Variants in TFDP2 observed in about 807,000 individuals in gnomAD.
TFDP2 encodes transcription factor Dp-2.
Under a neutral mutation model 59.3 loss-of-function variants are expected in TFDP2, and 17 were observed. The ratio of observed to expected loss-of-function variants is 0.29; its 90% CI spans 0.20 to 0.43. The LOEUF (loss-of-function observed/expected upper bound fraction) is 0.43. Ranked by LOEUF, TFDP2 falls within the 20% of genes least tolerant of loss-of-function variation. TFDP2 has a pLI of 1.00. For missense variants in TFDP2, 391 were observed against 528.8 expected (o/e 0.74, Z 2.56); for synonymous variants, 180 against 194.7 (o/e 0.92, Z 0.63).
chr3:141,967,298 T>G (rs1321826586), intron 9 of TFDP2, among the ~76,000 whole-genome samples: 2 of 149,886 alleles, frequency 1.3e-5, no homozygotes, highest in Non-Finnish European at 3.0e-5. Context: ...GTTTTTTGTT[T>G]TTTTTTTTTT....
At chr3:142,078,977 C>T (rs1043506313) in intron 3 of TFDP2, among the ~76,000 whole-genome samples, 7 of 151,972 alleles carry the variant, frequency 4.6e-5, no homozygotes, top group African/African-American at 1.7e-4. Context: ...AAGGATCAAA[C>T]AGAAATTCTA....
rs138906836 is a variant in TFDP2 at position 142,028,223 on chromosome 3, G to GT, written c.83-22680dup. ...TTAACTACTGGGGAAAAAAATGAAA[G>GT]TAAAAACTATCCTTTGAATTGCTTT... On this transcript the variant is annotated intron_variant, in intron 3 of 12. Transcript: ENST00000489671. 2.9e-3 allele frequency among the ~76,000 whole-genome samples: 446 copies of GT among 152,266 alleles called. 7 individuals carry two copies. Among genetic ancestry groups the GT allele is most frequent in the African/African-American group, 0.01 (425 of 41,566 alleles).
intron 3 of TFDP2, among the ~76,000 whole-genome samples, chr3:142,067,669 T>C (rs1430672090): frequency 6.6e-6 from 1 of 151,998 alleles, no homozygotes; most frequent in African/African-American, 2.4e-5. Flanking sequence ...GCCAACACAA[T>C]AGTAAAGAAA....
In TFDP2 at chr3:141,963,930, G is replaced by T. The variant is rs764151172; in HGVS notation, c.766C>A (p.Arg256=). The stretch of plus-strand genomic sequence containing the variant: ...CCCTGGTTTTGCTGCTCATTTTGTC[G>T]ATTTCTCTGTACCAGGTTTTTGAAA... ...IAFKNLVQRN[R]QNEQQNQGPP... The change falls in exon 10 of 13, where the codon CGA becomes AGA. Residue 256 remains arginine (R), a synonymous_variant. Coordinates refer to ENST00000489671, the MANE Select transcript of TFDP2 (RefSeq NM_001178139.2). The T allele has an allele frequency of 1.2e-6, 2 of 1,613,482 alleles. No homozygotes were observed. The highest frequency in any genetic ancestry group is 1.7e-6 in the Non-Finnish European group (2 of 1,179,926).
At chr3:142,086,666 T>C (rs2060819655) in intron 3 of TFDP2, among the ~76,000 whole-genome samples, 1 of 152,084 alleles carries the variant, frequency 6.6e-6, no homozygotes, top group South Asian at 2.1e-4. Flanking sequence ...CACATGGGTG[T>C]CTACACCAAC....
At chr3:142,124,304 T>C (rs1352399865) in intron 1 of TFDP2, among the ~76,000 whole-genome samples, 5 of 152,176 alleles carry the variant, frequency 3.3e-5, no homozygotes, top group African/African-American at 7.2e-5. Context: ...CACAGAAGGA[T>C]TGACCTCATC....
At chr3:141,953,901 T>C (rs1936236159) in intron 11 of TFDP2, among the ~76,000 whole-genome samples, 1 of 151,592 alleles carries the variant, frequency 6.6e-6, no homozygotes, top group African/African-American at 2.4e-5. Context: ...CTGAGCACGG[T>C]GGCTCACGCC....
chr3:142,132,128 T>C (rs1330387456), intron 1 of TFDP2, among the ~76,000 whole-genome samples: 3 of 149,898 alleles, frequency 2.0e-5, no homozygotes, highest in South Asian at 2.1e-4. Flanking sequence ...ATATGGCATA[T>C]ATGAAACATT....
rs141178737 is a variant in TFDP2, at chr3:142,042,886, T to A, written c.83-37342A>T. ...TCCCAAGTGGCTCGGATTACAAGCA[T>A]GGGCCACCATGCCCGACTAATTTTT... On this transcript the variant is annotated intron_variant, in intron 3 of 12. Coordinates refer to ENST00000489671, the MANE Select transcript of TFDP2 (RefSeq NM_001178139.2). 2.1e-3 allele frequency among the ~76,000 whole-genome samples: 304 copies of A among 144,704 alleles called. 3 individuals are homozygous for A. Among genetic ancestry groups the A allele is most frequent in the African/African-American group, 7.4e-3 (290 of 39,122 alleles). 94.9% of individuals were successfully genotyped at this position (144,704 alleles called of 152,430 possible). A position where few individuals can be genotyped will look rare whatever the true frequency, so the allele number is the denominator to read the frequency against.
intron 6 of TFDP2, among the ~76,000 whole-genome samples, chr3:141,986,218 C>T (rs1271306094): frequency 6.6e-6 from 1 of 152,200 alleles, no homozygotes; most frequent in Non-Finnish European, 1.5e-5. Flanking sequence ...TGACTTACAG[C>T]CTACAAGTTG....
chr3:142,050,960 G>A (rs1051382059), intron 3 of TFDP2, among the ~76,000 whole-genome samples: 9 of 152,192 alleles, frequency 5.9e-5, no homozygotes, highest in Non-Finnish European at 1.3e-4. Context: ...ATTTTTTGTA[G>A]AAATGTATAA....
chr3:142,050,433 C>T (rs1433665990), intron 3 of TFDP2, among the ~76,000 whole-genome samples: 11 of 152,224 alleles, frequency 7.2e-5, no homozygotes, highest in East Asian at 1.9e-4. Flanking sequence ...CGGTGGCTCA[C>T]GCCTGTAATC....
chr3:142,058,151 T>C (rs2059801135), intron 3 of TFDP2, among the ~76,000 whole-genome samples: 1 of 152,184 alleles, frequency 6.6e-6, no homozygotes, highest in Non-Finnish European at 1.5e-5. Flanking sequence ...AGTATTTTAT[T>C]CTATTTTTTA....
chr3:142,001,363 G>A (rs951077916), intron 4 of TFDP2, among the ~76,000 whole-genome samples: 16 of 152,192 alleles, frequency 1.1e-4, no homozygotes, highest in African/African-American at 3.9e-4. Flanking sequence ...GAGCAGACTT[G>A]ACACAGTGCC....
At chr3:142,003,133 T>A (rs1352752455) in intron 4 of TFDP2, among the ~76,000 whole-genome samples, 1 of 151,962 alleles carries the variant, frequency 6.6e-6, no homozygotes, top group African/African-American at 2.4e-5. Context: ...CTCCCGAGTA[T>A]CTGGGACTAC....
chr3:141,979,467 C>T (rs1941198914), intron 6 of TFDP2, among the ~76,000 whole-genome samples: 1 of 152,308 alleles, frequency 6.6e-6, no homozygotes, highest in Non-Finnish European at 1.5e-5. Context: ...GCATTGTTAT[C>T]ACAGGAAATG....
intron 3 of TFDP2, among the ~76,000 whole-genome samples, chr3:142,056,600 G>C (rs993020981): frequency 3.9e-5 from 6 of 152,180 alleles, no homozygotes; most frequent in African/African-American, 9.7e-5. Flanking sequence ...CTTGGTGGGA[G>C]TGATGTTTAG....
intron 3 of TFDP2, among the ~76,000 whole-genome samples, chr3:142,087,836 G>A (rs1006953989): frequency 1.3e-5 from 2 of 152,062 alleles, no homozygotes; most frequent in Non-Finnish European, 2.9e-5. Flanking sequence ...TCATTAAGTC[G>A]CAGTCTAATT....
At chr3:142,145,711 CTAAATAAA>C (rs142832325) in intron 1 of TFDP2, among the ~76,000 whole-genome samples, 15 of 148,162 alleles carry the variant, frequency 1.0e-4, no homozygotes, top group South Asian at 6.4e-4. Flanking sequence ...GACTCTGTCT[CTAAATAAA>C]TAAATAAATA....
Sources: allele counts gnomAD v4.1 joint callset (sites outside exome capture counted in the v4.1 genomes callset), GRCh38; gene constraint gnomAD v4.1.1; transcripts MANE v1.5; gene names NCBI Gene and HGNC (gene_info 2026-07-23, HGNC 2026-07-21).